The following PCDH15 variants were observed in gnomAD, a reference collection of about 807,000 sequenced individuals.
PCDH15 encodes protocadherin-15.
In PCDH15, 129 loss-of-function variants were observed where a neutral mutation model predicts 178.5. The ratio of observed to expected loss-of-function variants is 0.72; its 90% CI spans 0.63 to 0.84. PCDH15 has a LOEUF of 0.84. Among genes scored for constraint, PCDH15 ranks in the 40% least tolerant of loss-of-function variants. The pLI is 0.00. For missense variants in PCDH15, 2,230 were observed against 2,099.9 expected (o/e 1.06, Z -1.21); for synonymous variants, 800 against 732.0 (o/e 1.09, Z -1.50).
chr10:55,007,891 A>C (rs1839969518), intron 2 of PCDH15, among the ~76,000 whole-genome samples: 1 of 152,194 alleles, frequency 6.6e-6, no homozygotes, highest in African/African-American at 2.4e-5. Context: ...AACTAAATAC[A>C]AAAACCTGCA....
At chr10:54,611,542 G>T (rs898789126) in intron 2 of PCDH15, among the ~76,000 whole-genome samples, 2 of 151,810 alleles carry the variant, frequency 1.3e-5, no homozygotes, top group Admixed American at 1.3e-4. Context: ...TGGCCCACTA[G>T]CCAATAGGAA....
intron 1 of PCDH15, among the ~76,000 whole-genome samples, chr10:55,234,594 C>T (rs1284640313): frequency 6.6e-6 from 1 of 151,778 alleles, no homozygotes; most frequent in African/African-American, 2.4e-5. Flanking sequence ...TTGCCGAGGC[C>T]ATCCTCAAAC....
At chr10:54,995,183 T>C (rs1432707469) in intron 2 of PCDH15, among the ~76,000 whole-genome samples, 1 of 152,026 alleles carries the variant, frequency 6.6e-6, no homozygotes, top group Non-Finnish European at 1.5e-5. Flanking sequence ...GAGACCATCC[T>C]GGCTAACACG....
In PCDH15 at chr10:53,987,731, C is replaced by G. The variant is rs141713277; in HGVS notation, c.2868+7918G>C. Reference sequence around the variant, plus strand: ...AGGCCGCCCATGGGTTCCTAATCAACAGAACTATGGTCCTTCATTTAAATT... The same window carrying G: ...AGGCCGCCCATGGGTTCCTAATCAAGAGAACTATGGTCCTTCATTTAAATT... On this transcript the variant is annotated intron_variant, in intron 21 of 37. Transcript: ENST00000644397. Among the ~76,000 whole-genome samples, 169 of 152,268 alleles carry G rather than the reference C, an allele frequency of 1.1e-3. 1 individual carries two copies. The highest frequency in any genetic ancestry group is 3.4e-3 in the Middle Eastern group (1 of 294).
At chr10:54,179,276 A>G (rs935128518) in intron 13 of PCDH15, among the ~76,000 whole-genome samples, 9 of 152,086 alleles carry the variant, frequency 5.9e-5, no homozygotes, top group Admixed American at 1.3e-4. Flanking sequence ...GTAGGGACAT[A>G]GATGAAATTG....
chr10:55,272,248 A>AT lies in PCDH15; in HGVS notation c.-156+47350dup, dbSNP rs1010097411. 1.5e-4 allele frequency among the ~76,000 whole-genome samples: 23 copies of AT among 151,032 alleles called. No homozygotes were observed. In the East Asian group the frequency reaches 1.5e-3, roughly 10 times the overall value. On this transcript the variant is annotated intron_variant, in intron 1 of 5. Coordinates refer to the PCDH15 transcript ENST00000458638. ...CAGGATTGAAAACAAAACAACTAAG[A>AT]TTTTTTTTTAGAATATGGTTAAGTT...
intron 2 of PCDH15, among the ~76,000 whole-genome samples, chr10:54,630,550 G>T (rs2093674392): frequency 6.6e-6 from 1 of 152,144 alleles, no homozygotes; most frequent in Non-Finnish European, 1.5e-5. Context: ...AAAAGTGCTA[G>T]AAGAAAACCT....
At chr10:54,506,841 G>C (rs2137602728) in intron 3 of PCDH15, among the ~76,000 whole-genome samples, 1 of 152,058 alleles carries the variant, frequency 6.6e-6, no homozygotes, top group Middle Eastern at 3.4e-3. Context: ...TTATTCTATT[G>C]ACTGTGTGAA....
At chr10:54,944,844 G>T (rs1838154376) in intron 2 of PCDH15, among the ~76,000 whole-genome samples, 1 of 151,726 alleles carries the variant, frequency 6.6e-6, no homozygotes, top group South Asian at 2.1e-4. Context: ...TTTATCAAAA[G>T]GAAACTTTGT....
At chr10:54,044,026 T>C (rs1431829805) in intron 18 of PCDH15, among the ~76,000 whole-genome samples, 1 of 152,122 alleles carries the variant, frequency 6.6e-6, no homozygotes, top group African/African-American at 2.4e-5. Flanking sequence ...GTCCCTGCTA[T>C]GAGTAGAAAA....
intron 1 of PCDH15, among the ~76,000 whole-genome samples, chr10:54,725,510 C>T (rs1175706849): frequency 7.4e-6 from 1 of 135,708 alleles, no homozygotes; most frequent in African/African-American, 2.5e-5. Context: ...GACCTCATCT[C>T]TACAATTGTT....
intron 11 of PCDH15, among the ~76,000 whole-genome samples, chr10:54,188,410 G>A (rs1414071167): frequency 6.6e-6 from 1 of 151,750 alleles, no homozygotes; most frequent in Non-Finnish European, 1.5e-5. Context: ...TAGCTGTTGT[G>A]TCTATAAGTT....
chr10:54,197,830 TTA>T (rs1377798137), intron 10 of PCDH15, among the ~76,000 whole-genome samples: 2 of 152,182 alleles, frequency 1.3e-5, no homozygotes, highest in African/African-American at 4.8e-5. Flanking sequence ...GAAATATTAT[TTA>T]TGTCAATTAC....
Position 55,126,053 on chromosome 10 carries a change from CT to C in PCDH15, c.-80+40522del, listed in dbSNP as rs530376816. 3.9e-3 allele frequency among the ~76,000 whole-genome samples: 591 copies of C among 152,176 alleles called. 6 individuals carry two copies. The highest frequency in any genetic ancestry group is 0.014 in the African/African-American group (572 of 41,538). ...AGTAAGGGGATACTCACAGGTCCCC[CT>C]GGGATCTAAATATAGTCATCATTTC... On this transcript the variant is annotated intron_variant, in intron 2 of 5. Coordinates refer to the PCDH15 transcript ENST00000458638.
At chr10:55,009,512 C>A (rs117183253) in intron 2 of PCDH15, among the ~76,000 whole-genome samples, 1 of 151,958 alleles carries the variant, frequency 6.6e-6, no homozygotes, top group Non-Finnish European at 1.5e-5. Context: ...ATAGAAGCCA[C>A]CTTCTATTTC....
At chr10:55,490,946 T>G (rs1840399440) in intron 2 of PCDH15, among the ~76,000 whole-genome samples, 1 of 151,778 alleles carries the variant, frequency 6.6e-6, no homozygotes, top group Non-Finnish European at 1.5e-5. Context: ...ACAAGAACAA[T>G]TATTGATCCT....
chr10:55,473,208 G>A (rs1439263227), intron 2 of PCDH15, among the ~76,000 whole-genome samples: 1 of 152,076 alleles, frequency 6.6e-6, no homozygotes, highest in African/African-American at 2.4e-5. Flanking sequence ...TTGTTGCAAT[G>A]CATTGTTTTC....
At chr10:55,149,483 A>G (rs1234238719) in intron 2 of PCDH15, among the ~76,000 whole-genome samples, 2 of 152,090 alleles carry the variant, frequency 1.3e-5, no homozygotes, top group Non-Finnish European at 1.5e-5. Flanking sequence ...ATATTTAACA[A>G]AAAGGATGAC....
intron 16 of PCDH15, among the ~76,000 whole-genome samples, chr10:54,088,011 T>A (rs1381144804): frequency 6.6e-6 from 1 of 152,140 alleles, no homozygotes; most frequent in Non-Finnish European, 1.5e-5. Context: ...TCCTGAGGCT[T>A]CCCCAGAAGC....
Sources: gnomAD v4.1 joint callset for allele counts (sites outside exome capture counted in the v4.1 genomes callset) on GRCh38, gnomAD v4.1.1 for gene constraint, MANE v1.5 for transcripts, NCBI Gene and HGNC (gene_info 2026-07-23, HGNC 2026-07-21) for gene names.